The following CFAP299 variants were observed in gnomAD, a reference collection of about 807,000 sequenced individuals.
The protein encoded by CFAP299 is cilia- and flagella-associated protein 299.
Under a neutral mutation model 27.0 loss-of-function variants are expected in CFAP299, and 21 were observed. That is an observed-to-expected ratio of 0.78 (90% CI 0.55 to 1.12). CFAP299 has a LOEUF of 1.12. CFAP299 is among the 50% of genes most tolerant of loss of function. The pLI, the probability that CFAP299 is intolerant of heterozygous loss-of-function variation, is 0.00. For synonymous variants in CFAP299, 104 were observed against 98.1 expected (o/e 1.06, Z -0.36); for missense variants, 310 against 276.6 (o/e 1.12, Z -0.86).
intron 2 of CFAP299, chr4:80,387,224 G>C: frequency 6.9e-7 from 1 of 1,456,116 alleles, no homozygotes; most frequent in Non-Finnish European, 9.7e-7. Flanking sequence ...GTACATCGGG[G>C]GTAAGTCCTT....
intron 2 of CFAP299, among the ~76,000 whole-genome samples, chr4:80,382,157 C>T (rs1027710146): frequency 6.6e-6 from 1 of 152,058 alleles, no homozygotes; most frequent in South Asian, 2.1e-4. Flanking sequence ...CAAAAATCAC[C>T]TCAAGATGGA....
At chr4:80,756,144 A>T (rs1011278606) in intron 3 of CFAP299, among the ~76,000 whole-genome samples, 6 of 152,144 alleles carry the variant, frequency 3.9e-5, no homozygotes, top group African/African-American at 1.4e-4. Context: ...CAGAAAAACT[A>T]ATTAGTATAA....
intron 3 of CFAP299, among the ~76,000 whole-genome samples, chr4:80,771,043 T>G (rs1726183475): frequency 6.6e-6 from 1 of 152,140 alleles, no homozygotes; most frequent in Non-Finnish European, 1.5e-5. Context: ...TCCCATCGTA[T>G]TCTCAGGATC....
chr4:80,697,806 G>A (rs1014865199), intron 3 of CFAP299, among the ~76,000 whole-genome samples: 1 of 152,170 alleles, frequency 6.6e-6, no homozygotes, highest in Non-Finnish European at 1.5e-5. Flanking sequence ...ACATGGCATA[G>A]GATAGTATAT....
At chr4:80,387,464 C>T (rs890801405) in intron 2 of CFAP299, 34 of 824,076 alleles carry the variant, frequency 4.1e-5, no homozygotes, top group African/African-American at 1.7e-4. Context: ...CTTGGGTTTC[C>T]GGCTTGCCCC....
intron 3 of CFAP299, among the ~76,000 whole-genome samples, chr4:80,848,263 A>G (rs72865116): frequency 0.042 from 6,332 of 152,126 alleles, 295 homozygotes; most frequent in African/African-American, 0.12. Context: ...AGACTACAAG[A>G]ACCTCAAAAA....
At chr4:80,386,319 G>T in intron 2 of CFAP299, 1 of 1,332,690 alleles carries the variant, frequency 7.5e-7, no homozygotes, top group Non-Finnish European at 1.1e-6. Flanking sequence ...TGTGCCCACC[G>T]CACCACCCAC....
intron 2 of CFAP299, among the ~76,000 whole-genome samples, chr4:80,515,453 A>G (rs1320831068): frequency 1.3e-5 from 2 of 152,170 alleles, no homozygotes; most frequent in African/African-American, 4.8e-5. Flanking sequence ...TCTTTAAAAA[A>G]TTGGCAAAAC....
chr4:80,386,523 GGT>G (rs1157250958), intron 2 of CFAP299: 12 of 1,574,100 alleles, frequency 7.6e-6, no homozygotes, highest in Middle Eastern at 3.4e-4. Flanking sequence ...GGGGGGGGGG[GGT>G]GCCGCCGGGT....
intron 3 of CFAP299, among the ~76,000 whole-genome samples, chr4:80,848,245 T>G (rs565171144): frequency 6.6e-6 from 1 of 151,792 alleles, no homozygotes; most frequent in Non-Finnish European, 1.5e-5. Context: ...GATAAACATA[T>G]GCTGTCCAGA....
intron 4 of CFAP299, among the ~76,000 whole-genome samples, chr4:80,908,906 A>G (rs1361672668): frequency 6.6e-6 from 1 of 151,276 alleles, no homozygotes; most frequent in East Asian, 1.9e-4. Context: ...ACACGCAAGC[A>G]CACACACACA....
intron 4 of CFAP299, among the ~76,000 whole-genome samples, chr4:80,941,390 G>A (rs1444515884): frequency 6.6e-6 from 1 of 152,104 alleles, no homozygotes; most frequent in Non-Finnish European, 1.5e-5. Flanking sequence ...TGTTTCCCAA[G>A]AACATGTTTG....
intron 2 of CFAP299, among the ~76,000 whole-genome samples, chr4:80,492,053 G>A (rs6835442): frequency 2.0e-4 from 30 of 152,078 alleles, no homozygotes; most frequent in South Asian, 6.2e-4. Flanking sequence ...TATCTTAACC[G>A]TTTTTGTCTA....
chr4:80,355,958 T>C lies in CFAP299; in HGVS notation c.112-6796T>C, dbSNP rs146097206. ...TTGCCTAGATTTTCTTCTAGGGTTG[T>C]TATAGTTTTGGGTTTTACATTTAAG... On this transcript the variant is annotated intron_variant, in intron 1 of 5. Coordinates refer to ENST00000358105, the MANE Select transcript of CFAP299 (RefSeq NM_152770.3). Among the ~76,000 whole-genome samples, 464 of 152,308 alleles carry C rather than the reference T, an allele frequency of 3.0e-3. 3 individuals carry two copies. Among genetic ancestry groups the C allele is most frequent in the African/African-American group, 0.01 (433 of 41,576 alleles).
chr4:80,392,767 A>G (rs1012765156), intron 2 of CFAP299, among the ~76,000 whole-genome samples: 3 of 149,584 alleles, frequency 2.0e-5, no homozygotes, highest in African/African-American at 7.3e-5. Flanking sequence ...TATCTCAAAA[A>G]TGAAAAAAAA....
intron 2 of CFAP299, among the ~76,000 whole-genome samples, chr4:80,570,600 T>C (rs921859656): frequency 2.0e-5 from 3 of 152,110 alleles, no homozygotes; most frequent in Non-Finnish European, 4.4e-5. Flanking sequence ...AATTACTACA[T>C]GTTGGGAATG....
At chr4:80,362,723 C>G (rs757536164) in intron 1 of CFAP299, 31 bp from the exon 2 acceptor site, 1 of 1,568,698 alleles carries the variant, frequency 6.4e-7, no homozygotes, top group African/African-American at 1.4e-5. Flanking sequence ...TCTCATTTGC[C>G]CACTCACCTA....
chr4:80,540,120 G>C (rs1437495638), intron 2 of CFAP299, among the ~76,000 whole-genome samples: 1 of 152,240 alleles, frequency 6.6e-6, no homozygotes, highest in Non-Finnish European at 1.5e-5. Context: ...GCTGTCGCTT[G>C]TGAGTCTAGC....
chr4:80,711,573 G>A (rs552119786), intron 3 of CFAP299, among the ~76,000 whole-genome samples: 8 of 152,108 alleles, frequency 5.3e-5, no homozygotes, highest in African/African-American at 9.6e-5. Context: ...TTTATTTTAC[G>A]GATGAGGAAA....
Sources: allele counts gnomAD v4.1 joint callset (sites outside exome capture counted in the v4.1 genomes callset), GRCh38; gene constraint gnomAD v4.1.1; transcripts MANE v1.5; gene names NCBI Gene and HGNC (gene_info 2026-07-23, HGNC 2026-07-21).